The following NDP variants were observed in gnomAD, a reference collection of about 807,000 sequenced individuals.
NDP encodes the protein norrin cystine knot growth factor NDP.
Under a neutral mutation model 8.4 loss-of-function variants are expected in NDP, and 2 were observed. The observed-to-expected ratio is 0.24, with a 90% confidence interval of 0.10 to 0.75. The LOEUF is 0.75. NDP is among the 30% of genes least tolerant of loss of function. NDP has a pLI of 0.73. For synonymous variants in NDP, 55 were observed against 45.6 expected (o/e 1.21, Z -0.83); for missense variants, 81 against 110.1 (o/e 0.74, Z 1.18).
chrX:43,950,315 G>A (rs2035753724), intron 2 of NDP, among the ~76,000 whole-genome samples: 1 of 110,587 alleles, frequency 9.0e-6, no homozygotes, highest in Non-Finnish European at 1.9e-5. Context: ...TCACTGTGAT[G>A]TGCGAGTAAA....
chrX:43,951,943 T>C (rs1418793836), intron 2 of NDP, among the ~76,000 whole-genome samples: 1 of 112,562 alleles, frequency 8.9e-6, no homozygotes, highest in African/African-American at 3.2e-5. Context: ...CTCTTCATTT[T>C]GACAGGCAAA....
At chrX:43,957,163 G>C (rs2035798551) in intron 2 of NDP, among the ~76,000 whole-genome samples, 2 of 111,863 alleles carry the variant, frequency 1.8e-5, no homozygotes, top group Admixed American at 9.5e-5. Flanking sequence ...TGTTTCTGAA[G>C]GGGGAGGGAA....
chrX:43,965,566 A>G (rs957727327), intron 1 of NDP, among the ~76,000 whole-genome samples: 4 of 111,805 alleles, frequency 3.6e-5, no homozygotes, highest in African/African-American at 1.3e-4. Context: ...ACGGGGAGAG[A>G]AGAAAGGCTA....
chrX:43,968,507 C>T (rs1455059911), intron 1 of NDP, among the ~76,000 whole-genome samples: 1 of 112,491 alleles, frequency 8.9e-6, no homozygotes, highest in African/African-American at 3.2e-5. Context: ...ATAGGGGTTT[C>T]GGAAGGATTT....
intron 2 of NDP, among the ~76,000 whole-genome samples, chrX:43,958,267 C>T (rs1305614249): frequency 8.9e-6 from 1 of 112,284 alleles, no homozygotes; most frequent in Non-Finnish European, 1.9e-5. Context: ...GATGGGTGTG[C>T]ACATGATTGA....
chrX:43,970,982 C>A (rs1438792086), intron 1 of NDP, among the ~76,000 whole-genome samples: 2 of 111,898 alleles, frequency 1.8e-5, no homozygotes, highest in African/African-American at 6.5e-5. Context: ...AAAGGGGAAT[C>A]CCTTAATCAT....
chrX:43,956,883 G>C (rs922944685), intron 2 of NDP, among the ~76,000 whole-genome samples: 4 of 111,533 alleles, frequency 3.6e-5, no homozygotes, highest in Non-Finnish European at 5.7e-5. Flanking sequence ...GAATTTCTTC[G>C]GTTTGAGTTC....
At chrX:43,959,750 C>T (rs1354099828) in intron 1 of NDP, among the ~76,000 whole-genome samples, 2 of 111,673 alleles carry the variant, frequency 1.8e-5, no homozygotes, top group Non-Finnish European at 3.8e-5. Flanking sequence ...TTAACCACAA[C>T]AGAAGACAGA....
intron 1 of NDP, among the ~76,000 whole-genome samples, chrX:43,973,053 A>G (rs1351629877): frequency 8.9e-6 from 1 of 112,819 alleles, no homozygotes. Flanking sequence ...TTTGAAAAGA[A>G]AAATCTCTTT....
chrX:43,965,469 G>A (rs1020921977), intron 1 of NDP, among the ~76,000 whole-genome samples: 2 of 111,294 alleles, frequency 1.8e-5, no homozygotes, highest in African/African-American at 3.3e-5. Context: ...ATAATTTGAA[G>A]TAGTGAGGAT....
chrX:43,968,091 G>A (rs972570007), intron 1 of NDP, among the ~76,000 whole-genome samples: 1 of 111,724 alleles, frequency 9.0e-6, no homozygotes, highest in Admixed American at 9.5e-5. Context: ...TGAGCACTGG[G>A]GATATGTCGC....
At position 43,958,562 on chromosome X, in the gene NDP, G is replaced by C. The variant is rs747904096; in HGVS notation, c.84C>G (p.Ser28Arg). 7 of 1,210,958 alleles carry C rather than the reference G, an allele frequency of 5.8e-6. No individual in the cohort carries two copies. In the Admixed American group the frequency reaches 1.5e-4, roughly 26 times the overall value. ...GAGGGTCCGAGTCCATTATGAATGAGCTGTCCGTTTTACTGTCTGTATCTC... is the reference window on the plus strand; with the variant it reads ...GAGGGTCCGAGTCCATTATGAATGACCTGTCCGTTTTACTGTCTGTATCTC... The part of the protein sequence containing the change: ...IMGDTDSKTD[S>R]SFIMDSDPRR... The change falls in exon 2 of 3, where the codon AGC becomes AGG. Residue 28 changes from serine to arginine, a missense_variant. Physicochemically the swap from Ser to Arg is moderately radical, Grantham distance 110. Transcript: ENST00000642620.
intron 1 of NDP, among the ~76,000 whole-genome samples, chrX:43,970,943 C>T (rs900944272): frequency 4.5e-5 from 5 of 111,836 alleles, no homozygotes; most frequent in African/African-American, 3.3e-5. Context: ...GTGCAAATGA[C>T]GTGTACCCAG....
chrX:43,966,279 C>T (rs1481106806), intron 1 of NDP, among the ~76,000 whole-genome samples: 1 of 111,770 alleles, frequency 8.9e-6, no homozygotes, highest in Admixed American at 9.5e-5. Context: ...GAGTCCTCTT[C>T]TATCCTTTCT....
At chrX:43,964,408 C>T (rs937661540) in intron 1 of NDP, among the ~76,000 whole-genome samples, 3 of 111,327 alleles carry the variant, frequency 2.7e-5, no homozygotes, top group African/African-American at 9.8e-5. Flanking sequence ...CTGTCAAATG[C>T]CCCCACCTAT....
At chrX:43,970,429 A>G (rs1283571322) in intron 1 of NDP, among the ~76,000 whole-genome samples, 2 of 112,118 alleles carry the variant, frequency 1.8e-5, no homozygotes, top group Admixed American at 1.9e-4. Flanking sequence ...CAGGCACCCC[A>G]GGGAGTCAGA....
chrX:43,962,201 A>G (rs747816594), intron 1 of NDP, among the ~76,000 whole-genome samples: 2 of 111,699 alleles, frequency 1.8e-5, no homozygotes, highest in African/African-American at 6.5e-5. Context: ...CAATGTAAAT[A>G]TGCCACAAAA....
chrX:43,965,292 G>A (rs886368822), intron 1 of NDP, among the ~76,000 whole-genome samples: 4 of 110,374 alleles, frequency 3.6e-5, no homozygotes, highest in East Asian at 2.8e-4. Context: ...GGTGGTACAC[G>A]CTTGTCATCC....
Position 43,949,730 on chromosome X carries a change from A to G in NDP, c.*69T>C. The G allele has an allele frequency of 2.9e-6, 3 of 1,033,467 alleles. No individual in the cohort carries two copies. Among genetic ancestry groups the G allele is most frequent in the Non-Finnish European group, 4.0e-6 (3 of 751,163 alleles). 85.2% of individuals were successfully genotyped at this position (1,033,467 alleles called of 1,213,427 possible). On this transcript the variant is annotated 3_prime_UTR_variant, in exon 3 of 3. Coordinates refer to ENST00000642620, the MANE Select transcript of NDP (RefSeq NM_000266.4). ...TTTTTGCCTTAACTCTTTTCTTGCCAGTCTTTCCCTGGCTGGTCGAACTGC... is the reference window on the plus strand; with the variant it reads ...TTTTTGCCTTAACTCTTTTCTTGCCGGTCTTTCCCTGGCTGGTCGAACTGC...
Sources: gnomAD v4.1 joint callset for allele counts (sites outside exome capture counted in the v4.1 genomes callset) on GRCh38, gnomAD v4.1.1 for gene constraint, MANE v1.5 for transcripts, NCBI Gene and HGNC (gene_info 2026-07-23, HGNC 2026-07-21) for gene names.